WWOX: variants seen among roughly 807,000 people sequenced by gnomAD.
WWOX encodes the protein WW domain containing oxidoreductase, also known as WW domain-containing oxidoreductase.
WWOX carries 69 observed loss-of-function variants against 46.2 expected under a neutral mutation model. The ratio of observed to expected loss-of-function variants is 1.49; its 90% CI spans 1.23 to 1.82. The LOEUF is 1.82. Among genes scored for constraint, WWOX ranks in the 40% most tolerant of loss-of-function variants. WWOX has a pLI of 0.00. For synonymous variants in WWOX, 359 were observed against 202.6 expected, an observed-to-expected ratio of 1.77 and a Z score of -6.56; for missense variants, 919 against 542.6, an observed-to-expected ratio of 1.69 and a Z score of -6.89.
intron 5 of WWOX, among the ~76,000 whole-genome samples, chr16:78,351,703 C>T (rs2081187278): frequency 6.6e-6 from 1 of 152,164 alleles, no homozygotes; most frequent in African/African-American, 2.4e-5. Context: ...CTTGCCCAGG[C>T]TGGAATGCAG....
At chr16:78,120,590 A>AT (rs2033045362) in intron 4 of WWOX, among the ~76,000 whole-genome samples, 1 of 152,134 alleles carries the variant, frequency 6.6e-6, no homozygotes, top group East Asian at 1.9e-4. Context: ...AAAAAAAAAA[A>AT]AAAATTTCAT....
intron 8 of WWOX, among the ~76,000 whole-genome samples, chr16:79,156,036 T>C (rs1380491488): frequency 6.6e-6 from 1 of 152,188 alleles, no homozygotes; most frequent in Non-Finnish European, 1.5e-5. Flanking sequence ...TAGTTTACAA[T>C]TTCCAGGAAA....
At chr16:79,001,731 T>G in intron 8 of WWOX, among the ~76,000 whole-genome samples, 1 of 144,692 alleles carries the variant, frequency 6.9e-6, no homozygotes. Flanking sequence ...GAGGGGGAAA[T>G]GTGGAGGAAG....
chr16:78,615,737 G>T (rs114266082), intron 8 of WWOX, among the ~76,000 whole-genome samples: 1 of 151,750 alleles, frequency 6.6e-6, no homozygotes, highest in African/African-American at 2.4e-5. Flanking sequence ...TGCTGTTTTA[G>T]GAAATCAATA....
At chr16:78,587,553 G>C (rs781443305) in intron 8 of WWOX, among the ~76,000 whole-genome samples, 1 of 151,922 alleles carries the variant, frequency 6.6e-6, no homozygotes, top group Non-Finnish European at 1.5e-5. Context: ...CCTGAGATTC[G>C]CTCACTGCCC....
In WWOX at chr16:78,612,848, C is replaced by T. The variant is rs548841627; in HGVS notation, c.1056+180096C>T. On this transcript the variant is annotated intron_variant, in intron 8 of 8. Coordinates refer to ENST00000566780, the MANE Select transcript of WWOX (RefSeq NM_016373.4). ...TGCAGGATTGCTGTAAGGATTAGAA[C>T]CACCGTCTCTAAGGCATTCAGCATA... is the stretch of plus-strand genomic sequence containing the variant. Among the ~76,000 whole-genome samples the T allele has an allele frequency of 5.2e-4, 79 of 152,282 alleles. 1 individual carries two copies. The South Asian group carries it at 0.016, about 32-fold the overall frequency.
intron 8 of WWOX, among the ~76,000 whole-genome samples, chr16:78,605,252 C>G (rs1346213541): frequency 6.6e-6 from 1 of 151,426 alleles, no homozygotes; most frequent in Admixed American, 6.6e-5. Context: ...TCATTGTTAG[C>G]GTTGTCTCTC....
intron 8 of WWOX, among the ~76,000 whole-genome samples, chr16:79,180,773 T>C (rs190111873): frequency 2.0e-5 from 3 of 152,160 alleles, no homozygotes; most frequent in Admixed American, 2.0e-4. Flanking sequence ...ATCCATCCAT[T>C]CATCAATCCA....
intron 8 of WWOX, chr16:78,825,659 TA>T (rs1205118704): frequency 1.3e-5 from 7 of 526,034 alleles, no homozygotes; most frequent in Non-Finnish European, 2.6e-5. Context: ...TCATCATGAA[TA>T]GGGGGGCCAT....
In WWOX at chr16:78,345,458, C is replaced by CACAAAAA. The variant is rs1475313034; in HGVS notation, c.517-41401_517-41400insCAAAAAA. Among the ~76,000 whole-genome samples the CACAAAAA allele has an allele frequency of 3.4e-4, 9 of 26,782 alleles. 2 individuals are homozygous for CACAAAAA. Among genetic ancestry groups the CACAAAAA allele is most frequent in the African/African-American group, 7.6e-4 (9 of 11,864 alleles). 17.6% of individuals were successfully genotyped at this position (26,782 alleles called of 152,430 possible). Reference sequence around the variant, plus strand: ...CACCATGGCAAAACCCCATCGCTACCAAAAAAAAAAAAAAAAAAAAAAAAA... The same window carrying CACAAAAA: ...CACCATGGCAAAACCCCATCGCTACCACAAAAAAAAAAAAAAAAAAAAAAAAAAAAAA... On this transcript the variant is annotated intron_variant, in intron 5 of 8. Transcript: ENST00000566780.
chr16:78,465,275 G>A (rs2084047911), intron 8 of WWOX, among the ~76,000 whole-genome samples: 1 of 152,218 alleles, frequency 6.6e-6, no homozygotes, highest in Admixed American at 6.5e-5. Context: ...AAATCATACT[G>A]ATTTAGACTT....
chr16:78,676,071 C>T (rs751541201), intron 8 of WWOX, among the ~76,000 whole-genome samples: 2 of 151,854 alleles, frequency 1.3e-5, no homozygotes, highest in East Asian at 3.9e-4. Context: ...CAGAGTAATC[C>T]AGACGTTACT....
intron 8 of WWOX, among the ~76,000 whole-genome samples, chr16:79,065,047 G>A (rs2048417652): frequency 1.3e-5 from 2 of 152,174 alleles, no homozygotes; most frequent in Non-Finnish European, 2.9e-5. Flanking sequence ...GCACTTACGT[G>A]TATGCCTGTG....
At chr16:78,229,892 T>A (rs562857277) in intron 5 of WWOX, among the ~76,000 whole-genome samples, 8 of 152,242 alleles carry the variant, frequency 5.3e-5, no homozygotes, top group Admixed American at 1.3e-4. Flanking sequence ...TCTTTCTTTT[T>A]TTTTCTAAAC....
intron 8 of WWOX, among the ~76,000 whole-genome samples, chr16:78,817,725 C>T (rs1328159743): frequency 6.6e-6 from 1 of 152,162 alleles, no homozygotes; most frequent in Non-Finnish European, 1.5e-5. Flanking sequence ...CTAAAATTCC[C>T]AGGACCTCTT....
At chr16:78,376,649 G>T (rs143719124) in intron 5 of WWOX, among the ~76,000 whole-genome samples, 1 of 152,176 alleles carries the variant, frequency 6.6e-6, no homozygotes, top group Non-Finnish European at 1.5e-5. Context: ...TCTGTTCGTT[G>T]TAAGATATTG....
At chr16:78,542,045 A>AAAAAT (rs1357393877) in intron 8 of WWOX, among the ~76,000 whole-genome samples, 1 of 149,936 alleles carries the variant, frequency 6.7e-6, no homozygotes, top group Non-Finnish European at 1.5e-5. Flanking sequence ...AAAAAAAAAA[A>AAAAAT]AGTAAATTGC....
intron 5 of WWOX, among the ~76,000 whole-genome samples, chr16:78,380,148 C>G (rs1336332532): frequency 6.6e-6 from 1 of 152,156 alleles, no homozygotes; most frequent in Non-Finnish European, 1.5e-5. Flanking sequence ...AAGAGCAGGA[C>G]AGCATGAGGC....
chr16:78,256,251 C>T (rs1324121850), intron 5 of WWOX, among the ~76,000 whole-genome samples: 1 of 151,506 alleles, frequency 6.6e-6, no homozygotes, highest in East Asian at 1.9e-4. Context: ...GGCCTGTCTA[C>T]CACACCATGA....
Sources: gnomAD v4.1 joint callset for allele counts (sites outside exome capture counted in the v4.1 genomes callset) on GRCh38, gnomAD v4.1.1 for gene constraint, MANE v1.5 for transcripts, NCBI Gene and HGNC (gene_info 2026-07-23, HGNC 2026-07-21) for gene names.